The following SNTB2 variants were observed in gnomAD, a reference collection of about 807,000 sequenced individuals.
SNTB2 encodes beta-2-syntrophin.
In SNTB2, 34 loss-of-function variants were observed where a neutral mutation model predicts 46.2. The observed-to-expected ratio is 0.74, with a 90% CI of 0.56 to 0.98. The LOEUF is 0.98. Among genes scored for constraint, SNTB2 ranks in the 50% least tolerant of loss-of-function variants. The pLI is 0.00. For synonymous variants in SNTB2, 290 were observed against 312.6 expected (o/e 0.93, Z 0.76); for missense variants, 603 against 731.4 (o/e 0.82, Z 2.02).
At position 69,278,889 on chromosome 16, in the gene SNTB2, A is replaced by T. The variant is rs1341956013; in HGVS notation, c.1149-5159A>T. Among the ~76,000 whole-genome samples the T allele has an allele frequency of 2.1e-5, 3 of 140,912 alleles. No individual in the cohort carries two copies. In the East Asian group the frequency reaches 6.3e-4, roughly 30 times the overall value. 92.4% of individuals were successfully genotyped at this position (140,912 alleles called of 152,430 possible). A position where few individuals can be genotyped will look rare whatever the true frequency, so the allele number is the denominator to read the frequency against. ...TTTATTGATGGACAGAGGTGGGAAG[A>T]GTGTGTGTGTGTGTGTGTGTGTGTG... is the stretch of plus-strand genomic sequence containing the variant. On this transcript the variant is annotated intron_variant, in intron 4 of 6. Coordinates refer to ENST00000336278, the MANE Select transcript of SNTB2 (RefSeq NM_006750.4).
At chr16:69,284,807 G>A (rs1965086240) in intron 5 of SNTB2, among the ~76,000 whole-genome samples, 1 of 151,864 alleles carries the variant, frequency 6.6e-6, no homozygotes, top group South Asian at 2.1e-4. Flanking sequence ...CAAACCTGAG[G>A]GTGGTGGTGT....
At chr16:69,298,713 G>T (rs1056108105) in intron 5 of SNTB2, among the ~76,000 whole-genome samples, 2 of 151,664 alleles carry the variant, frequency 1.3e-5, no homozygotes, top group African/African-American at 4.8e-5. Flanking sequence ...GTAGAGACGG[G>T]GTTTCGCCAT....
chr16:69,195,592 A>G (rs1964097642), intron 1 of SNTB2, among the ~76,000 whole-genome samples: 1 of 152,102 alleles, frequency 6.6e-6, no homozygotes, highest in South Asian at 2.1e-4. Flanking sequence ...GGCTCAAATT[A>G]TCTTGGCTGC....
Position 69,187,312 on chromosome 16 carries a change from G to T in SNTB2, c.146G>T (p.Ser49Ile). The T allele has an allele frequency of 2.7e-6, 4 of 1,463,810 alleles. No homozygotes were observed. The highest frequency in any genetic ancestry group is 1.3e-5 in the South Asian group (1 of 76,378). 90.7% of individuals were successfully genotyped at this position (1,463,810 alleles called of 1,614,324 possible). ...VVAELSGESLSLTGDAAAAEL... is the reference protein window; with the variant it reads ...VVAELSGESLILTGDAAAAEL... ...GCCGAGCTGAGCGGGGAGAGCCTGA[G>T]CCTGACGGGCGACGCCGCCGCGGCC... Residue 49 changes from serine to isoleucine, a missense_variant, in exon 1 of 7, where the codon AGC (serine) becomes ATC (isoleucine). Physicochemically the swap from Ser to Ile is moderately radical, Grantham distance 142. Coordinates refer to ENST00000336278, the MANE Select transcript of SNTB2 (RefSeq NM_006750.4).
At chr16:69,200,762 G>A (rs1284198349) in intron 1 of SNTB2, among the ~76,000 whole-genome samples, 1 of 152,144 alleles carries the variant, frequency 6.6e-6, no homozygotes, top group African/African-American at 2.4e-5. Flanking sequence ...TCATCCTCCA[G>A]CCTTGGCTTC....
intron 3 of SNTB2, among the ~76,000 whole-genome samples, chr16:69,260,974 G>C (rs1275290861): frequency 2.6e-5 from 4 of 151,990 alleles, no homozygotes; most frequent in Non-Finnish European, 4.4e-5. Context: ...TCCCAGGTTT[G>C]ACAAAAGGAG....
At chr16:69,272,314 GCC>G (rs1964944642) in intron 4 of SNTB2, among the ~76,000 whole-genome samples, 1 of 151,906 alleles carries the variant, frequency 6.6e-6, no homozygotes, top group Non-Finnish European at 1.5e-5. Context: ...ACCGAGGCAG[GCC>G]TATCATCTGA....
chr16:69,187,363 C>G lies in SNTB2; in HGVS notation c.197C>G (p.Ala66Gly). ...AAELEPALGP[A>G]AAAFNGLPNG... The stretch of plus-strand genomic sequence containing the variant: ...GAGCTGGAGCCCGCTCTGGGACCCG[C>G]GGCCGCCGCCTTCAACGGCCTCCCA... Residue 66 changes from alanine (A) to glycine (G), a missense_variant, in exon 1 of 7, where the codon GCG (alanine) becomes GGG (glycine). By Grantham distance (60) the Ala-to-Gly change is moderately conservative. Around this residue, in one of 2 missense-constraint regions of SNTB2, gnomAD observed 537 missense variants for 692.4 expected, o/e 0.78. Transcript: ENST00000336278. 5.7e-6 allele frequency: 8 copies of G among 1,392,096 alleles called. No individual in the cohort carries two copies. The highest frequency in any genetic ancestry group is 7.5e-6 in the Non-Finnish European group (8 of 1,072,164). The allele number at this position is 1,392,096 out of a possible 1,614,324, so 86.2% of individuals were successfully genotyped here.
intron 5 of SNTB2, among the ~76,000 whole-genome samples, chr16:69,297,171 G>GT (rs975127280): frequency 1.3e-5 from 2 of 151,644 alleles, no homozygotes; most frequent in African/African-American, 4.9e-5. Flanking sequence ...GCTGGGTGTG[G>GT]TGGTGCCCGC....
intron 2 of SNTB2, among the ~76,000 whole-genome samples, chr16:69,255,805 A>ATCCT (rs1964769250): frequency 6.7e-6 from 1 of 149,658 alleles, no homozygotes; most frequent in South Asian, 2.1e-4. Context: ...TTAAACCAGG[A>ATCCT]GGTGGAGGTT....
At chr16:69,232,940 G>A (rs929697893) in intron 1 of SNTB2, among the ~76,000 whole-genome samples, 2 of 151,826 alleles carry the variant, frequency 1.3e-5, no homozygotes, top group African/African-American at 2.4e-5. Flanking sequence ...GAATTTTTTT[G>A]TTATCCCAGT....
intron 1 of SNTB2, among the ~76,000 whole-genome samples, chr16:69,218,934 G>A (rs1459218422): frequency 6.6e-6 from 1 of 152,204 alleles, no homozygotes; most frequent in Non-Finnish European, 1.5e-5. Context: ...TACTGGTTGG[G>A]TCTGTCCTCT....
chr16:69,205,535 C>G (rs1964208418), intron 1 of SNTB2, among the ~76,000 whole-genome samples: 3 of 152,050 alleles, frequency 2.0e-5, no homozygotes, highest in Non-Finnish European at 4.4e-5. Context: ...TCTTGTGGCC[C>G]CTTGTAAGGC....
At chr16:69,216,694 A>C (rs564601358) in intron 1 of SNTB2, among the ~76,000 whole-genome samples, 3,676 of 145,676 alleles carry the variant, frequency 0.025, 37 homozygotes, top group African/African-American at 0.033. Flanking sequence ...CCCCCCCCCC[A>C]AAAAAAAATA....
chr16:69,251,052 C>T (rs965853143), intron 2 of SNTB2, among the ~76,000 whole-genome samples: 6 of 146,072 alleles, frequency 4.1e-5, no homozygotes, highest in Admixed American at 6.8e-5. Flanking sequence ...GATCTCGGCT[C>T]ACTGCAAGCT....
chr16:69,267,030 CT>C (rs766798193), intron 3 of SNTB2, among the ~76,000 whole-genome samples: 754 of 142,434 alleles, frequency 5.3e-3, no homozygotes, highest in Admixed American at 5.2e-3. Context: ...ATCAGTTTAT[CT>C]TTTTTTTTTT....
intron 1 of SNTB2, among the ~76,000 whole-genome samples, chr16:69,213,837 T>G (rs1179408516): frequency 1.4e-5 from 2 of 145,720 alleles, no homozygotes; most frequent in Non-Finnish European, 3.0e-5. Flanking sequence ...TTTTTTTTTT[T>G]TTTTTTTGAG....
chr16:69,240,426 C>T (rs1311621932), intron 1 of SNTB2: 1 of 152,194 alleles, frequency 6.6e-6, no homozygotes, highest in Non-Finnish European at 1.5e-5. Flanking sequence ...CAAAGCAAAG[C>T]AATTCCTTCC....
intron 5 of SNTB2, among the ~76,000 whole-genome samples, chr16:69,295,207 G>A (rs1490932764): frequency 9.0e-6 from 1 of 111,428 alleles, no homozygotes; most frequent in Non-Finnish European, 1.9e-5. Context: ...TAACAACCCT[G>A]TTAAACAAAA....
Sources: gnomAD v4.1 joint callset for allele counts (sites outside exome capture counted in the v4.1 genomes callset) on GRCh38, gnomAD v4.1.1 for gene constraint, gnomAD v4.1.1 regional missense constraint, MANE v1.5 for transcripts, NCBI Gene and HGNC (gene_info 2026-07-23, HGNC 2026-07-21) for gene names.